The following FANK1 variants were observed in gnomAD, a reference collection of about 807,000 sequenced individuals.
FANK1 encodes fibronectin type 3 and ankyrin repeat domains protein 1.
Under a neutral mutation model 45.3 loss-of-function variants are expected in FANK1, and 44 were observed. The observed-to-expected ratio is 0.97, with a 90% CI of 0.76 to 1.25. The LOEUF is 1.25. FANK1 is among the 50% of genes most tolerant of loss of function. FANK1 has a pLI of 0.00. For synonymous variants in FANK1, 149 were observed against 152.5 expected (o/e 0.98, Z 0.17); for missense variants, 391 against 424.4 (o/e 0.92, Z 0.69).
At chr10:125,917,496 T>C (rs903933223) in intron 1 of FANK1, among the ~76,000 whole-genome samples, 2 of 152,196 alleles carry the variant, frequency 1.3e-5, no homozygotes, top group African/African-American at 2.4e-5. Context: ...TAATTTGTAA[T>C]TTAGTCTTTT....
At chr10:125,898,897 GTT>G (rs201482232) in intron 1 of FANK1, among the ~76,000 whole-genome samples, 30 of 128,850 alleles carry the variant, frequency 2.3e-4, no homozygotes, top group East Asian at 2.4e-4. Flanking sequence ...AAGTTTTGTT[GTT>G]TTTTTTTTTT....
chr10:126,005,629 T>C (rs1405117234), intron 7 of FANK1, among the ~76,000 whole-genome samples: 1 of 152,112 alleles, frequency 6.6e-6, no homozygotes, highest in Non-Finnish European at 1.5e-5. Flanking sequence ...CTTTGTTCTT[T>C]TGTTCATTTG....
At chr10:125,976,586 G>T (rs1950866619) in intron 1 of FANK1, among the ~76,000 whole-genome samples, 1 of 151,844 alleles carries the variant, frequency 6.6e-6, no homozygotes, top group African/African-American at 2.4e-5. Flanking sequence ...TCCTCAGTTA[G>T]GTTTATTCAG....
intron 1 of FANK1, among the ~76,000 whole-genome samples, chr10:125,948,644 C>T (rs542126070): frequency 6.6e-6 from 1 of 152,162 alleles, no homozygotes. Flanking sequence ...CAAAAAGAGT[C>T]CAGGACCAGA....
intron 1 of FANK1, among the ~76,000 whole-genome samples, chr10:125,953,507 G>A (rs1949385049): frequency 6.6e-6 from 1 of 152,120 alleles, no homozygotes; most frequent in South Asian, 2.1e-4. Context: ...GGATCCTATA[G>A]GTGAACTTGT....
intron 1 of FANK1, among the ~76,000 whole-genome samples, chr10:125,937,300 G>A (rs1948167807): frequency 6.6e-6 from 1 of 152,158 alleles, no homozygotes; most frequent in South Asian, 2.1e-4. Context: ...TTGTATGAGA[G>A]ATCTCACTGT....
chr10:125,912,480 GTGTGTGTT>G (rs1330576735), intron 1 of FANK1, among the ~76,000 whole-genome samples: 25 of 119,582 alleles, frequency 2.1e-4, no homozygotes, highest in African/African-American at 6.4e-4. Context: ...GTGTGTGTGT[GTGTGTGTT>G]TTTGAGATTA....
chr10:125,924,617 G>A (rs1947204002), intron 1 of FANK1, among the ~76,000 whole-genome samples: 2 of 152,188 alleles, frequency 1.3e-5, no homozygotes, highest in Non-Finnish European at 2.9e-5. Context: ...TCCCCAGCCT[G>A]GACAACATGG....
chr10:125,995,905 A>G (rs1359284140), intron 4 of FANK1, among the ~76,000 whole-genome samples: 2 of 152,222 alleles, frequency 1.3e-5, no homozygotes, highest in African/African-American at 4.8e-5. Context: ...CTAGAGGGGA[A>G]ATGGTGAATA....
rs779445934 is a variant in FANK1, at chr10:125,983,356, G to A, written c.191+3018G>A. On this transcript the variant is annotated intron_variant, in intron 2 of 10. Transcript: ENST00000368693. The surrounding 1 kb of genome is among the most constrained non-coding windows in gnomAD (Gnocchi z 4.3). ...CAGCGTGTATTATTGAGTGTCTGCCGTGTGTCAGACACTGCTCCGGATGCT... is the reference window on the plus strand; with the variant it reads ...CAGCGTGTATTATTGAGTGTCTGCCATGTGTCAGACACTGCTCCGGATGCT... 9.2e-5 allele frequency among the ~76,000 whole-genome samples: 14 copies of A among 152,104 alleles called. No individual in the cohort carries two copies. Among genetic ancestry groups the A allele is most frequent in the Non-Finnish European group, 1.8e-4 (12 of 68,028 alleles).
chr10:125,919,223 T>TTTTTG (rs1428791696), intron 1 of FANK1, among the ~76,000 whole-genome samples: 1 of 133,278 alleles, frequency 7.5e-6, no homozygotes, highest in African/African-American at 3.0e-5. Context: ...TTTTTTTTTT[T>TTTTTG]GTGACAGAGT....
At chr10:125,930,864 C>T (rs1947706148) in intron 1 of FANK1, among the ~76,000 whole-genome samples, 1 of 151,982 alleles carries the variant, frequency 6.6e-6, no homozygotes, top group Non-Finnish European at 1.5e-5. Flanking sequence ...TATTCCTTGC[C>T]CCCTCCACAC....
rs377735755 is a variant in FANK1, at chr10:125,945,238, G to T, written c.14-34923G>T. Among the ~76,000 whole-genome samples the T allele has an allele frequency of 2.0e-5, 3 of 152,166 alleles. No homozygotes were observed. The East Asian group carries it at 5.8e-4, about 29-fold the overall frequency. On this transcript the variant is annotated intron_variant, in intron 1 of 10. Coordinates refer to ENST00000368693, the MANE Select transcript of FANK1 (RefSeq NM_145235.5). The stretch of plus-strand genomic sequence containing the variant: ...AAATTTAATAAGAACAAAACAACTG[G>T]GGGGAGGAGCCAAGATGGCCGAATA...
At chr10:125,951,132 T>C (rs1334917289) in intron 1 of FANK1, among the ~76,000 whole-genome samples, 1 of 147,006 alleles carries the variant, frequency 6.8e-6, no homozygotes, top group Non-Finnish European at 1.5e-5. Context: ...ATGGGAGATA[T>C]ACCTAATGCT....
chr10:125,960,280 C>A, intron 1 of FANK1: 1 of 304,070 alleles, frequency 3.3e-6, no homozygotes. Flanking sequence ...TCCTTTCAGG[C>A]ATTCTGCATG....
intron 1 of FANK1, among the ~76,000 whole-genome samples, chr10:125,968,979 T>A (rs1244274609): frequency 6.6e-6 from 1 of 152,198 alleles, no homozygotes; most frequent in Non-Finnish European, 1.5e-5. Context: ...AGGCATAAAA[T>A]TGTTTTATTT....
intron 1 of FANK1, among the ~76,000 whole-genome samples, chr10:125,926,124 C>A (rs549825208): frequency 6.6e-6 from 1 of 152,124 alleles, no homozygotes; most frequent in Non-Finnish European, 1.5e-5. Flanking sequence ...AGAATACTTT[C>A]ATCGCATTAA....
chr10:125,990,582 T>C (rs1233046713), intron 3 of FANK1, among the ~76,000 whole-genome samples: 2 of 152,218 alleles, frequency 1.3e-5, no homozygotes, highest in Non-Finnish European at 2.9e-5. Context: ...TGGTTGGTTC[T>C]GCAGCCTTCC....
intron 6 of FANK1, among the ~76,000 whole-genome samples, chr10:126,002,071 G>A (rs2134226856): frequency 6.6e-6 from 1 of 151,502 alleles, no homozygotes; most frequent in South Asian, 2.1e-4. Flanking sequence ...CCAGCACTTT[G>A]GGAGGCTGAG....
Sources: allele counts gnomAD v4.1 joint callset (sites outside exome capture counted in the v4.1 genomes callset), GRCh38; gene constraint gnomAD v4.1.1; non-coding constraint Gnocchi (gnomAD v3.1); transcripts MANE v1.5; gene names NCBI Gene and HGNC (gene_info 2026-07-23, HGNC 2026-07-21).